The following FREM3 variants were observed in gnomAD, a reference collection of about 807,000 sequenced individuals.
The protein encoded by FREM3 is FRAS1-related extracellular matrix protein 3.
A neutral mutation model predicts 129.1 loss-of-function variants in FREM3; 105 were observed. The ratio of observed to expected loss-of-function variants is 0.81; its 90% CI spans 0.69 to 0.96. The LOEUF is 0.96. FREM3 is among the 40% of genes least tolerant of loss of function. The pLI, the probability that FREM3 is intolerant of heterozygous loss-of-function variation, is 0.00. For missense variants in FREM3, 2,593 were observed against 2,666.3 expected, an observed-to-expected ratio of 0.97 and a Z score of 0.61; for synonymous variants, 1,014 against 1,044.9, an observed-to-expected ratio of 0.97 and a Z score of 0.57.
chr4:143,684,593 A>C (rs867889168), intron 2 of FREM3, among the ~76,000 whole-genome samples: 4 of 152,146 alleles, frequency 2.6e-5, no homozygotes, highest in African/African-American at 9.7e-5. Context: ...TGACAAAACA[A>C]AGCTCTTCAA....
intron 7 of FREM3, among the ~76,000 whole-genome samples, chr4:143,579,193 C>T (rs539906302): frequency 1.8e-4 from 28 of 152,260 alleles, no homozygotes; most frequent in African/African-American, 6.3e-4. Context: ...GTGGATCATG[C>T]CTGTAATCTC....
At chr4:143,630,533 T>A (rs1231338631) in intron 2 of FREM3, among the ~76,000 whole-genome samples, 1 of 152,190 alleles carries the variant, frequency 6.6e-6, no homozygotes, top group Non-Finnish European at 1.5e-5. Flanking sequence ...AATTTTAGTA[T>A]GCCTTGAGCA....
rs1740637888 is a variant in FREM3 at position 143,699,038 on chromosome 4, G to T, written c.1638C>A (p.Val546=). The T allele has an allele frequency of 6.5e-7, 1 of 1,537,244 alleles. No individual in the cohort carries two copies. Among genetic ancestry groups the T allele is most frequent in the South Asian group, 1.2e-5 (1 of 84,058 alleles). ...ILPVDDEPPM[V]NTNTGLSLTE... ...TGAGTGAGAGTCCTGTGTTAGTATT[G>T]ACCATTGGTGGTTCATCATCCACAG... The change falls in exon 1 of 8, where the codon GTC becomes GTA. Residue 546 remains valine, a synonymous_variant. Transcript: ENST00000329798. The surrounding 1 kb of genome is among the most constrained non-coding windows in gnomAD (Gnocchi z 4.2).
At chr4:143,657,424 A>C (rs1202853228) in intron 2 of FREM3, among the ~76,000 whole-genome samples, 1 of 152,226 alleles carries the variant, frequency 6.6e-6, no homozygotes, top group African/African-American at 2.4e-5. Context: ...TTTGGAGATG[A>C]GCTGTTCAAC....
intron 2 of FREM3, among the ~76,000 whole-genome samples, chr4:143,672,271 A>AC (rs1172008812): frequency 1.5e-4 from 23 of 152,342 alleles, no homozygotes; most frequent in African/African-American, 5.5e-4. Flanking sequence ...AAGAATGCCA[A>AC]CAACTCAGTT....
chr4:143,670,513 AC>A (rs928891968), intron 2 of FREM3, among the ~76,000 whole-genome samples: 2 of 152,154 alleles, frequency 1.3e-5, no homozygotes, highest in African/African-American at 4.8e-5. Context: ...TTATTTAATA[AC>A]CTGTTAACAT....
intron 3 of FREM3, among the ~76,000 whole-genome samples, chr4:143,626,092 G>C (rs1001056601): frequency 6.6e-6 from 1 of 152,150 alleles, no homozygotes; most frequent in Admixed American, 6.5e-5. Context: ...TGGGGTATCA[G>C]AAGGACTTTC....
rs575252463 is a variant in FREM3 at position 143,599,692 on chromosome 4, A to G, written c.6028+11587T>C. 3.5e-3 allele frequency among the ~76,000 whole-genome samples: 530 copies of G among 152,266 alleles called. 9 individuals are homozygous for G. The highest frequency in any genetic ancestry group is 0.01 in the Middle Eastern group (3 of 294). ...TTTAAAGTGTAACCTCTGGCAAAGG[A>G]ACACTAGGCTAGAACAAAAGAATGG... On this transcript the variant is annotated intron_variant, in intron 6 of 7. Coordinates refer to ENST00000329798, the MANE Select transcript of FREM3 (RefSeq NM_001168235.2).
At chr4:143,619,449 T>C (rs1045166184) in intron 5 of FREM3, among the ~76,000 whole-genome samples, 2 of 152,186 alleles carry the variant, frequency 1.3e-5, no homozygotes, top group Non-Finnish European at 2.9e-5. Context: ...AGAATGAACC[T>C]GGCCAGTAAC....
intron 2 of FREM3, among the ~76,000 whole-genome samples, chr4:143,663,890 T>G (rs1739792983): frequency 6.6e-6 from 1 of 152,146 alleles, no homozygotes; most frequent in Non-Finnish European, 1.5e-5. Context: ...CTCCTGAGGC[T>G]TCTGCATTCT....
At position 143,697,706 on chromosome 4, in the gene FREM3, G is replaced by C; in HGVS notation, c.2970C>G (p.Asp990Glu). Residue 990 changes from aspartate (D) to glutamate (E), a missense_variant, in exon 1 of 8, where the codon GAC (aspartate) becomes GAG (glutamate). Physicochemically the swap from Asp to Glu is conservative, Grantham distance 45. Coordinates refer to ENST00000329798, the MANE Select transcript of FREM3 (RefSeq NM_001168235.2). ...CCAGAATAGTGCCCAGTTTGGGGCTGTCCTTTACAATGAAAGACAGCATCA... is the reference window on the plus strand; with the variant it reads ...CCAGAATAGTGCCCAGTTTGGGGCTCTCCTTTACAATGAAAGACAGCATCA... The part of the protein sequence containing the change: ...GDLMLSFIVK[D>E]SPKLGTILVN... 6.5e-7 allele frequency: 1 copy of C among 1,537,718 alleles called. No individual in the cohort carries two copies. Among genetic ancestry groups the C allele is most frequent in the Non-Finnish European group, 8.7e-7 (1 of 1,147,018 alleles).
chr4:143,646,184 A>G (rs1546202), intron 2 of FREM3, among the ~76,000 whole-genome samples: 110,741 of 152,096 alleles, frequency 0.73, 40,850 homozygotes, highest in East Asian at 0.94. Context: ...ATTTAAAATT[A>G]TTGGAAAATA....
chr4:143,611,284 TAACGATCAGCCAG>T lies in FREM3; in HGVS notation c.6010_6022del (p.Leu2004MetfsTer77). 2 of 1,535,916 alleles carry T rather than the reference TAACGATCAGCCAG, an allele frequency of 1.3e-6. No homozygotes were observed. Among genetic ancestry groups the T allele is most frequent in the Non-Finnish European group, 1.7e-6 (2 of 1,145,970 alleles). On this transcript the variant is annotated frameshift_variant, in exon 6 of 8. Coordinates refer to ENST00000329798, the MANE Select transcript of FREM3 (RefSeq NM_001168235.2). LOFTEE classifies it high-confidence loss of function. ...AAAGCAACAAATGGACTTACCATCA[TAACGATCAGCCAG>T]AATAGTCACCTTAGTGGTGGGGAAT...
intron 2 of FREM3, among the ~76,000 whole-genome samples, chr4:143,638,831 G>A (rs1197696330): frequency 6.6e-6 from 1 of 152,120 alleles, no homozygotes; most frequent in Non-Finnish European, 1.5e-5. Context: ...GGGCTCTGAG[G>A]CAGCAAAAGG....
At chr4:143,679,825 G>T (rs1197312440) in intron 2 of FREM3, among the ~76,000 whole-genome samples, 1 of 152,126 alleles carries the variant, frequency 6.6e-6, no homozygotes, top group Non-Finnish European at 1.5e-5. Context: ...AACCAAACAA[G>T]AAGGACTCAT....
chr4:143,623,493 T>TCCCCCC (rs35964270), intron 4 of FREM3, among the ~76,000 whole-genome samples: 21 of 68,524 alleles, frequency 3.1e-4, no homozygotes, highest in Non-Finnish European at 4.9e-4. Context: ...TGAATACTAA[T>TCCCCCC]CCCCCCCCCC....
At position 143,663,159 on chromosome 4, in the gene FREM3, A is replaced by T. The variant is rs1266984534; in HGVS notation, c.5275+29954T>A. On this transcript the variant is annotated intron_variant, in intron 2 of 7. Transcript: ENST00000329798. ...AGCTGGTTATTTTGCTCGTTAGTTG[A>T]TGCAGTTTCTTCCTAGTCTTGATGG... Among the ~76,000 whole-genome samples the T allele has an allele frequency of 4.7e-4, 71 of 151,996 alleles. 1 individual carries two copies. Among genetic ancestry groups the T allele is most frequent in the Non-Finnish European group, 1.2e-4 (8 of 67,982 alleles).
intron 2 of FREM3, among the ~76,000 whole-genome samples, chr4:143,660,428 G>T (rs1186068594): frequency 6.6e-6 from 1 of 152,186 alleles, no homozygotes; most frequent in Admixed American, 6.5e-5. Context: ...GCTCTGTTCT[G>T]TTCCATTGAT....
At position 143,577,608 on chromosome 4, in the gene FREM3, C is replaced by A. The variant is rs752309710; in HGVS notation, c.*3G>T. ...TGGCTGTTTTTTTCCCTCTTAAAGT[C>A]TTTCAATCAAAGGAACTACAAGCAC... On this transcript the variant is annotated 3_prime_UTR_variant, in exon 8 of 8. Coordinates refer to ENST00000329798, the MANE Select transcript of FREM3 (RefSeq NM_001168235.2). The A allele has an allele frequency of 4.6e-6, 7 of 1,535,584 alleles. No individual in the cohort carries two copies. The highest frequency in any genetic ancestry group is 6.1e-6 in the Non-Finnish European group (7 of 1,145,838).
Sources: gnomAD v4.1 joint callset for allele counts (sites outside exome capture counted in the v4.1 genomes callset) on GRCh38, gnomAD v4.1.1 for gene constraint, Gnocchi (gnomAD v3.1) non-coding constraint, MANE v1.5 for transcripts, NCBI Gene and HGNC (gene_info 2026-07-23, HGNC 2026-07-21) for gene names.